Variants in LOXHD1 observed in about 807,000 individuals in gnomAD.
The protein encoded by LOXHD1 is lipoxygenase homology PLAT domains 1.
LOXHD1 carries 205 observed loss-of-function variants against 248.2 expected under a neutral mutation model. The ratio of observed to expected loss-of-function variants is 0.83; its 90% confidence interval spans 0.74 to 0.93. The LOEUF is 0.93. Ranked by LOEUF, LOXHD1 falls within the 40% of genes least tolerant of loss-of-function variation. The probability of loss-of-function intolerance (pLI) is 0.00; values close to 1 mark genes in which losing one functional copy is unlikely to be tolerated. For synonymous variants in LOXHD1, 1,113 were observed against 1,162.8 expected (o/e 0.96, Z 0.87); for missense variants, 2,930 against 2,971.6 (o/e 0.99, Z 0.33).
At chr18:46,534,289 G>A (rs945822072) in intron 27 of LOXHD1, 46 bp downstream of exon 27, 1 of 1,420,290 alleles carries the variant, frequency 7.0e-7, no homozygotes, top group Admixed American at 2.0e-5. Context: ...AACCTGCTCT[G>A]GAAAGGGACA....
intron 25 of LOXHD1, among the ~76,000 whole-genome samples, chr18:46,539,426 A>T (rs1278181140): frequency 1.3e-5 from 2 of 151,840 alleles, no homozygotes; most frequent in African/African-American, 4.8e-5. Flanking sequence ...ACGCCACTGC[A>T]CTCCAGCCTG....
intron 4 of LOXHD1, among the ~76,000 whole-genome samples, chr18:46,639,357 C>T (rs2038933510): frequency 6.6e-6 from 1 of 152,242 alleles, no homozygotes. Context: ...TTGCTCAGGG[C>T]TGTGCCTATC....
intron 37 of LOXHD1, among the ~76,000 whole-genome samples, chr18:46,503,588 G>A (rs1429837842): frequency 1.3e-5 from 2 of 152,198 alleles, no homozygotes; most frequent in Non-Finnish European, 2.9e-5. Flanking sequence ...CAGAATGGAT[G>A]ATGAGATGGA....
chr18:46,563,702 A>G (rs1851264370), intron 17 of LOXHD1, among the ~76,000 whole-genome samples: 2 of 152,228 alleles, frequency 1.3e-5, no homozygotes, highest in African/African-American at 4.8e-5. Flanking sequence ...ATGTAACTGT[A>G]TCTGGAGATA....
chr18:46,643,077 C>T (rs182363534), intron 2 of LOXHD1, among the ~76,000 whole-genome samples: 310 of 152,330 alleles, frequency 2.0e-3, no homozygotes, highest in Non-Finnish European at 3.0e-3. Context: ...TGGTAATAGA[C>T]GGCTTTTAAG....
Position 46,524,523 on chromosome 18 carries a change from C to T in LOXHD1, c.4819G>A (p.Asp1607Asn), listed in dbSNP as rs774054667. The change falls in exon 31 of 41, where the codon GAT becomes AAT. Residue 1607 changes from aspartate (D) to asparagine (N), a missense_variant. Asp to Asn is a conservative substitution (Grantham distance 23). Coordinates refer to ENST00000642948, the MANE Select transcript of LOXHD1 (RefSeq NM_001384474.1). ...CCGGTCACTGTGCTGATGTCGACAT[C>T]GGCCATCTTGGAGCTCAGGGCGATC... ...WEIALSSKMADVDISTVTGPM... is the reference protein window; with the variant it reads ...WEIALSSKMANVDISTVTGPM... 27 of 1,551,608 alleles carry T rather than the reference C, an allele frequency of 1.7e-5. No homozygotes were observed. Among genetic ancestry groups the T allele is most frequent in the East Asian group, 9.8e-5 (4 of 40,930 alleles).
At chr18:46,550,800 C>T (rs571542841) in intron 21 of LOXHD1, among the ~76,000 whole-genome samples, 4 of 152,224 alleles carry the variant, frequency 2.6e-5, no homozygotes, top group African/African-American at 9.6e-5. Flanking sequence ...CTGTTTGTTA[C>T]TTAGCAGAAC....
At chr18:46,550,495 C>T in intron 21 of LOXHD1, among the ~76,000 whole-genome samples, 1 of 145,926 alleles carries the variant, frequency 6.9e-6, no homozygotes, top group African/African-American at 2.5e-5. Context: ...ATGGCGTGAA[C>T]CCAGGAAGCG....
At position 46,534,445 on chromosome 18, in the gene LOXHD1, C is replaced by A; in HGVS notation, c.4102G>T (p.Asp1368Tyr). 1.3e-6 allele frequency: 2 copies of A among 1,551,192 alleles called. No homozygotes were observed. The highest frequency in any genetic ancestry group is 1.7e-6 in the Non-Finnish European group (2 of 1,146,444). Residue 1368 changes from aspartate to tyrosine, a missense_variant, in exon 27 of 41, where the codon GAT becomes TAT. Asp to Tyr is a radical substitution (Grantham distance 160). Transcript: ENST00000642948. The part of the protein sequence containing the change: ...SASRFIVELE[D>Y]VGEIIEKIRI... Reference sequence around the variant, plus strand: ...ATTTTTTCAATGATTTCTCCCACATCTTCTAACTTTGGAAAGGAGATAAGG... The same window carrying A: ...ATTTTTTCAATGATTTCTCCCACATATTCTAACTTTGGAAAGGAGATAAGG...
In LOXHD1 at chr18:46,560,399, C is replaced by T; in HGVS notation, c.2745G>A (p.Arg915=). The T allele has an allele frequency of 6.4e-7, 1 of 1,551,236 alleles. No individual in the cohort carries two copies. The highest frequency in any genetic ancestry group is 8.7e-7 in the Non-Finnish European group (1 of 1,147,868). Residue 915 remains arginine (R), a synonymous_variant, in exon 19 of 41, where the codon CGG becomes CGA. Transcript: ENST00000642948. ...GCAGCTTGTCCTTCTCCTTCTTCTT[C>T]CGGGCCTCCTCCTCCGGCGTGAGGT... The part of the protein sequence containing the change: ...EVDLTPEEEA[R]KKKEKDKLRQ...
At position 46,646,829 on chromosome 18, in the gene LOXHD1, A is replaced by T. The variant is rs190249553; in HGVS notation, c.245+2326T>A. Among the ~76,000 whole-genome samples, 3 of 152,286 alleles carry T rather than the reference A, an allele frequency of 2.0e-5. No individual in the cohort carries two copies. The East Asian group carries it at 5.8e-4, about 29-fold the overall frequency. ...GTCTCGCTCTAGCCACACTGATACCACTGGCCTTTGCCGAGCTCTGACTAT... is the reference window on the plus strand; with the variant it reads ...GTCTCGCTCTAGCCACACTGATACCTCTGGCCTTTGCCGAGCTCTGACTAT... On this transcript the variant is annotated intron_variant, in intron 2 of 40. Coordinates refer to ENST00000642948, the MANE Select transcript of LOXHD1 (RefSeq NM_001384474.1).
At position 46,477,355 on chromosome 18, in the gene LOXHD1, T is replaced by C; in HGVS notation, c.*117A>G. 1 of 1,411,430 alleles carries C rather than the reference T, an allele frequency of 7.1e-7. No individual in the cohort carries two copies. 87.4% of individuals were successfully genotyped at this position (1,411,430 alleles called of 1,614,324 possible). A position where few individuals can be genotyped will look rare whatever the true frequency, so the allele number is the denominator to read the frequency against. Reference sequence around the variant, plus strand: ...GAGCAGGACCCCATGAAGTTCTCAGTGGACTGCTAGCCCCCAGTGCCAATG... The same window carrying C: ...GAGCAGGACCCCATGAAGTTCTCAGCGGACTGCTAGCCCCCAGTGCCAATG... On this transcript the variant is annotated 3_prime_UTR_variant, in exon 41 of 41. Transcript: ENST00000642948.
At chr18:46,573,048 A>G (rs1162519506) in intron 14 of LOXHD1, among the ~76,000 whole-genome samples, 3 of 149,262 alleles carry the variant, frequency 2.0e-5, no homozygotes, top group African/African-American at 5.0e-5. Context: ...AAAAAAAAAG[A>G]CAGGATAGAC....
chr18:46,521,055 C>G, intron 33 of LOXHD1, 42 bp downstream of exon 33: 1 of 1,536,556 alleles, frequency 6.5e-7, no homozygotes, highest in Non-Finnish European at 8.8e-7. Context: ...TCAACCTGCA[C>G]TGCCCTGGCC....
At chr18:46,535,578 GTTT>G (rs1013480739) in intron 26 of LOXHD1, among the ~76,000 whole-genome samples, 8 of 98,424 alleles carry the variant, frequency 8.1e-5, no homozygotes, top group South Asian at 7.8e-4. Context: ...GGCTGCCTCT[GTTT>G]TTGTTGTTGT....
At chr18:46,604,293 A>G in intron 6 of LOXHD1, 64 bp from the exon 7 acceptor site, 4 of 1,538,642 alleles carry the variant, frequency 2.6e-6, no homozygotes, top group Non-Finnish European at 3.5e-6. Flanking sequence ...CTGGAGATCT[A>G]ATCCAATCTT....
At chr18:46,523,842 C>T (rs76792192) in intron 31 of LOXHD1, among the ~76,000 whole-genome samples, 2,478 of 152,096 alleles carry the variant, frequency 0.016, 69 homozygotes, top group African/African-American at 0.056. Context: ...ACTTTCTCTG[C>T]CTGACTCCAC....
chr18:46,500,306 G>GGAAAA (rs2034145888), intron 37 of LOXHD1, among the ~76,000 whole-genome samples: 1 of 152,050 alleles, frequency 6.6e-6, no homozygotes, highest in South Asian at 2.1e-4. Flanking sequence ...TTCCTCCTGA[G>GGAAAA]GTCCAGACCC....
chr18:46,535,014 C>T (rs977204534), intron 26 of LOXHD1, among the ~76,000 whole-genome samples: 4 of 152,192 alleles, frequency 2.6e-5, no homozygotes, highest in Non-Finnish European at 4.4e-5. Flanking sequence ...TGCTCAACCT[C>T]GTAATCCAGG....
Sources: allele counts gnomAD v4.1 joint callset (sites outside exome capture counted in the v4.1 genomes callset), GRCh38; gene constraint gnomAD v4.1.1; transcripts MANE v1.5; gene names NCBI Gene and HGNC (gene_info 2026-07-23, HGNC 2026-07-21).